EPHA3: variants seen among roughly 807,000 people sequenced by gnomAD.
EPHA3 encodes the protein ephrin type-A receptor 3.
EPHA3 carries 42 observed loss-of-function variants against 107.1 expected under a neutral mutation model. That is an observed-to-expected ratio of 0.39 (90% CI 0.31 to 0.51). The LOEUF (loss-of-function observed/expected upper bound fraction) is 0.51, where lower values mean the gene tolerates loss of function less well. Ranked by LOEUF, EPHA3 falls within the 20% of genes least tolerant of loss-of-function variation. The pLI is 0.78. For missense variants in EPHA3, 1,183 were observed against 1,211.2 expected (o/e 0.98, Z 0.35); for synonymous variants, 461 against 424.8 (o/e 1.09, Z -1.05).
At chr3:89,204,872 G>GT (rs1706063136) in intron 2 of EPHA3, among the ~76,000 whole-genome samples, 1 of 152,094 alleles carries the variant, frequency 6.6e-6, no homozygotes, top group South Asian at 2.1e-4. Flanking sequence ...AATAAAAAAC[G>GT]TGAGTGGAGA....
chr3:89,359,249 A>C (rs2107455215), intron 5 of EPHA3, among the ~76,000 whole-genome samples: 1 of 151,122 alleles, frequency 6.6e-6, no homozygotes, highest in African/African-American at 2.4e-5. Flanking sequence ...ACCTGGCCAG[A>C]ATTTGACACT....
intron 3 of EPHA3, among the ~76,000 whole-genome samples, chr3:89,211,608 A>G (rs1704082001): frequency 6.6e-6 from 1 of 151,916 alleles, no homozygotes; most frequent in African/African-American, 2.4e-5. Context: ...ACAGAACATA[A>G]TATTTTGCTT....
At chr3:89,393,581 A>T (rs1358833520) in intron 5 of EPHA3, among the ~76,000 whole-genome samples, 6 of 152,208 alleles carry the variant, frequency 3.9e-5, no homozygotes, top group African/African-American at 1.4e-4. Flanking sequence ...CATGTGTTCC[A>T]ACATTAAGCT....
At chr3:89,433,071 C>T (rs1203334573) in intron 13 of EPHA3, among the ~76,000 whole-genome samples, 1 of 152,060 alleles carries the variant, frequency 6.6e-6, no homozygotes, top group Non-Finnish European at 1.5e-5. Context: ...TCCATGATTA[C>T]CTCCTTGGGA....
chr3:89,353,336 A>G lies in EPHA3; in HGVS notation c.1306+11246A>G, dbSNP rs538498854. Among the ~76,000 whole-genome samples the G allele has an allele frequency of 2.0e-5, 3 of 151,588 alleles. No individual in the cohort carries two copies. The South Asian group carries it at 6.2e-4, about 32-fold the overall frequency. On this transcript the variant is annotated intron_variant, in intron 5 of 16. Transcript: ENST00000336596. ...ATGTAGCGAATCGGAAACTGTAAAC[A>G]TAATGAAAATCACCTAACAAAATAA...
rs77645846 is a variant in EPHA3 at position 89,376,770 on chromosome 3, C to G, written c.1307-19067C>G. Reference sequence around the variant, plus strand: ...AGCAGCCACTCTTGGGATAGTTTGTCATCAGCGTTATTTGCCATTTCCTTA... The same window carrying G: ...AGCAGCCACTCTTGGGATAGTTTGTGATCAGCGTTATTTGCCATTTCCTTA... On this transcript the variant is annotated intron_variant, in intron 5 of 16. Coordinates refer to ENST00000336596, the MANE Select transcript of EPHA3 (RefSeq NM_005233.6). 6.6e-4 allele frequency among the ~76,000 whole-genome samples: 100 copies of G among 152,150 alleles called. No homozygotes were observed. In the East Asian group the frequency reaches 0.019, roughly 28 times the overall value.
At chr3:89,354,307 T>C (rs1335074168) in intron 5 of EPHA3, among the ~76,000 whole-genome samples, 1 of 151,234 alleles carries the variant, frequency 6.6e-6, no homozygotes, top group Non-Finnish European at 1.5e-5. Flanking sequence ...GAAAATGTTC[T>C]GTTTCCAAAA....
At chr3:89,278,689 A>G (rs1341671681) in intron 3 of EPHA3, among the ~76,000 whole-genome samples, 1 of 152,164 alleles carries the variant, frequency 6.6e-6, no homozygotes, top group African/African-American at 2.4e-5. Context: ...TCGCTCTGCT[A>G]TTTTCAGATC....
intron 3 of EPHA3, among the ~76,000 whole-genome samples, chr3:89,216,862 A>C (rs1704233452): frequency 1.3e-5 from 2 of 152,138 alleles, no homozygotes; most frequent in Admixed American, 1.3e-4. Context: ...TTTTCCAGCT[A>C]ATGTTTCATT....
chr3:89,355,954 G>A lies in EPHA3; in HGVS notation c.1306+13864G>A, dbSNP rs1158700531. ...CCCATTAACTCTTCATTTAGCATTA[G>A]GTACTTCTCCTAAAGCTATCCCTTC... On this transcript the variant is annotated intron_variant, in intron 5 of 16. Transcript: ENST00000336596. 1.3e-5 allele frequency among the ~76,000 whole-genome samples: 2 copies of A among 149,398 alleles called. 1 individual carries two copies. The highest frequency in any genetic ancestry group is 3.0e-5 in the Non-Finnish European group (2 of 66,934).
intron 2 of EPHA3, among the ~76,000 whole-genome samples, chr3:89,172,661 A>G (rs1404134994): frequency 1.3e-5 from 2 of 152,198 alleles, no homozygotes; most frequent in African/African-American, 4.8e-5. Context: ...GAGGAACAAG[A>G]TTCCCTATCA....
rs146055053 is a variant in EPHA3 at position 89,451,880 on chromosome 3, C to CGTGT, written c.2690+1533_2690+1536dup. On this transcript the variant is annotated intron_variant, in intron 15 of 16. Coordinates refer to ENST00000336596, the MANE Select transcript of EPHA3 (RefSeq NM_005233.6). ...TTATCTGTTTGAAGATCAAGCAGGGCGTGTGTGTGTGTGTGTGTGTGTGTG... is the reference window on the plus strand; with the variant it reads ...TTATCTGTTTGAAGATCAAGCAGGGCGTGTGTGTGTGTGTGTGTGTGTGTGTGTG... 1.2e-3 allele frequency among the ~76,000 whole-genome samples: 168 copies of CGTGT among 144,268 alleles called. 1 individual carries two copies. The Middle Eastern group carries it at 0.018, about 16-fold the overall frequency. The allele number at this position is 144,268 out of a possible 152,430, so 94.6% of individuals were successfully genotyped here. A position where few individuals can be genotyped will look rare whatever the true frequency, so the allele number is the denominator to read the frequency against.
chr3:89,456,625 A>G (rs1710102531), intron 15 of EPHA3, among the ~76,000 whole-genome samples: 1 of 152,156 alleles, frequency 6.6e-6, no homozygotes, highest in Non-Finnish European at 1.5e-5. Flanking sequence ...CTCCATGAAT[A>G]TCGTCACTGG....
intron 3 of EPHA3, among the ~76,000 whole-genome samples, chr3:89,249,619 C>T (rs995638093): frequency 1.3e-5 from 2 of 151,924 alleles, no homozygotes; most frequent in African/African-American, 2.4e-5. Flanking sequence ...TGCCACCATG[C>T]CCTGCTAATT....
At chr3:89,278,014 G>T (rs1705851067) in intron 3 of EPHA3, among the ~76,000 whole-genome samples, 1 of 151,886 alleles carries the variant, frequency 6.6e-6, no homozygotes, top group South Asian at 2.1e-4. Flanking sequence ...GATTTTTTTT[G>T]ACAAAGATCT....
chr3:89,384,985 G>T (rs1559675110), intron 5 of EPHA3, among the ~76,000 whole-genome samples: 1 of 152,104 alleles, frequency 6.6e-6, no homozygotes. Flanking sequence ...TAAGAATATT[G>T]TAGAACATCC....
chr3:89,195,488 G>T (rs773523102), intron 2 of EPHA3, among the ~76,000 whole-genome samples: 2 of 152,030 alleles, frequency 1.3e-5, no homozygotes, highest in Non-Finnish European at 2.9e-5. Context: ...TGCCAGAAAG[G>T]CCCATTACCT....
At chr3:89,285,590 C>A (rs534728890) in intron 3 of EPHA3, among the ~76,000 whole-genome samples, 18 of 152,214 alleles carry the variant, frequency 1.2e-4, no homozygotes, top group Admixed American at 9.2e-4. Flanking sequence ...AGTGGGCAAA[C>A]CATGCTGATA....
chr3:89,150,017 C>T (rs1416302279), intron 2 of EPHA3, among the ~76,000 whole-genome samples: 1 of 151,916 alleles, frequency 6.6e-6, no homozygotes, highest in African/African-American at 2.4e-5. Context: ...AAAATCTACC[C>T]TTAAGCAGTA....
Sources: gnomAD v4.1 joint callset for allele counts (sites outside exome capture counted in the v4.1 genomes callset) on GRCh38, gnomAD v4.1.1 for gene constraint, MANE v1.5 for transcripts, NCBI Gene and HGNC (gene_info 2026-07-23, HGNC 2026-07-21) for gene names.